The following AP4S1 variants were observed in gnomAD, a reference collection of about 807,000 sequenced individuals.
The protein encoded by AP4S1 is adaptor related protein complex 4 subunit sigma 1.
A neutral mutation model predicts 19.8 loss-of-function variants in AP4S1; 23 were observed. The observed-to-expected ratio is 1.16, with a 90% CI of 0.84 to 1.65. The LOEUF (loss-of-function observed/expected upper bound fraction) is 1.65, where lower values mean the gene tolerates loss of function less well. Ranked by LOEUF, AP4S1 falls within the 40% of genes most tolerant of loss-of-function variation. The pLI, the probability that AP4S1 is intolerant of heterozygous loss-of-function variation, is 0.00. For synonymous variants in AP4S1, 46 were observed against 54.1 expected (o/e 0.85, Z 0.66); for missense variants, 166 against 172.8 (o/e 0.96, Z 0.22).
chr14:31,082,619 G>A (rs371841584), intron 5 of AP4S1, among the ~76,000 whole-genome samples: 11 of 152,148 alleles, frequency 7.2e-5, no homozygotes, highest in Admixed American at 2.0e-4. Context: ...AGCTTTGGCC[G>A]GGCGCGGTGG....
At chr14:31,031,075 T>A (rs557119280) in intron 1 of AP4S1, among the ~76,000 whole-genome samples, 2 of 152,194 alleles carry the variant, frequency 1.3e-5, no homozygotes, top group East Asian at 3.9e-4. Context: ...TCTCAGGAGA[T>A]CTGATGGTTT....
intron 5 of AP4S1, among the ~76,000 whole-genome samples, chr14:31,081,136 C>A (rs565711464): frequency 6.6e-6 from 1 of 152,140 alleles, no homozygotes; most frequent in East Asian, 1.9e-4. Context: ...ATAGCGCTAT[C>A]ATAGTAGTTA....
chr14:31,066,391 T>C, intron 2 of AP4S1, 57 bp downstream of exon 2: 6 of 1,606,648 alleles, frequency 3.7e-6, no homozygotes, highest in Non-Finnish European at 5.1e-6. Context: ...GGCAGATTTG[T>C]TATTAGTGAG....
At chr14:31,056,341 A>G (rs545646048) in intron 1 of AP4S1, among the ~76,000 whole-genome samples, 25 of 150,868 alleles carry the variant, frequency 1.7e-4, no homozygotes, top group African/African-American at 5.4e-4. Flanking sequence ...GCTACATACC[A>G]TACTTGTTTT....
At chr14:31,064,261 C>CT (rs35952468) in intron 1 of AP4S1, among the ~76,000 whole-genome samples, 33 of 151,130 alleles carry the variant, frequency 2.2e-4, no homozygotes, top group African/African-American at 5.3e-4. Flanking sequence ...TTTTCTTTTT[C>CT]TTTTTTTTTA....
At chr14:31,072,314 G>T (rs1449870097) in intron 3 of AP4S1, among the ~76,000 whole-genome samples, 1 of 152,050 alleles carries the variant, frequency 6.6e-6, no homozygotes, top group Non-Finnish European at 1.5e-5. Flanking sequence ...GGGCTCAAGT[G>T]ATCCTCCCAC....
chr14:31,073,086 A>C, intron 4 of AP4S1, 113 bp downstream of exon 4: 1 of 957,564 alleles, frequency 1.0e-6, no homozygotes, highest in South Asian at 1.4e-5. Context: ...AATAAGTAAA[A>C]GTTAAAACTT....
intron 5 of AP4S1, among the ~76,000 whole-genome samples, chr14:31,087,247 G>A (rs1457208332): frequency 2.0e-5 from 3 of 152,118 alleles, no homozygotes; most frequent in African/African-American, 7.2e-5. Context: ...TCTGTGACAT[G>A]TCCCAATCCA....
At chr14:31,052,335 T>C (rs1885843326) in intron 1 of AP4S1, among the ~76,000 whole-genome samples, 1 of 152,160 alleles carries the variant, frequency 6.6e-6, no homozygotes, top group Non-Finnish European at 1.5e-5. Flanking sequence ...GCTTGCTCCA[T>C]GTTTCACTAT....
rs1315033150 is a variant in AP4S1 at position 31,080,634 on chromosome 14, G to C, written c.306+50G>C. 1.9e-6 allele frequency: 3 copies of C among 1,612,782 alleles called. No homozygotes were observed. Among genetic ancestry groups the C allele is most frequent in the South Asian group, 1.1e-5 (1 of 91,046 alleles). On this transcript the variant is annotated intron_variant, in intron 5 of 5. Coordinates refer to ENST00000542754, the MANE Select transcript of AP4S1 (RefSeq NM_001128126.3). Reference sequence around the variant, plus strand: ...CACAGTACTTGGCAAATGCACTCTGGTCCTTATCAGGTAAGTACCACAAGG... The same window carrying C: ...CACAGTACTTGGCAAATGCACTCTGCTCCTTATCAGGTAAGTACCACAAGG...
At chr14:31,056,837 G>A (rs1482194235) in intron 1 of AP4S1, among the ~76,000 whole-genome samples, 1 of 152,174 alleles carries the variant, frequency 6.6e-6, no homozygotes, top group Non-Finnish European at 1.5e-5. Context: ...AGCACTTAGT[G>A]AAGCTGAGGC....
chr14:31,025,695 C>T lies in AP4S1; in HGVS notation c.-164C>T, dbSNP rs916239253. 1.4e-6 allele frequency: 1 copy of T among 736,756 alleles called. No individual in the cohort carries two copies. Among genetic ancestry groups the T allele is most frequent in the Non-Finnish European group, 2.1e-6 (1 of 471,700 alleles). 45.6% of individuals were successfully genotyped at this position (736,756 alleles called of 1,614,324 possible). On this transcript the variant is annotated 5_prime_UTR_variant, in exon 1 of 6. The change creates a premature stop within an existing upstream ORF in the 5' untranslated region. Coordinates refer to ENST00000542754, the MANE Select transcript of AP4S1 (RefSeq NM_001128126.3). ...CCCGAGGAGGCCCGCACCGCGTAGCCAGTGAAGGTTGGGGAGCAAGCTTAT... is the reference window on the plus strand; with the variant it reads ...CCCGAGGAGGCCCGCACCGCGTAGCTAGTGAAGGTTGGGGAGCAAGCTTAT...
At chr14:31,060,559 C>T (rs1257210470) in intron 1 of AP4S1, among the ~76,000 whole-genome samples, 2 of 152,180 alleles carry the variant, frequency 1.3e-5, no homozygotes, top group Non-Finnish European at 2.9e-5. Context: ...AGACTTGAGC[C>T]AGGTCTGTCT....
At chr14:31,060,415 CT>C (rs1465696343) in intron 1 of AP4S1, among the ~76,000 whole-genome samples, 1 of 152,156 alleles carries the variant, frequency 6.6e-6, no homozygotes, top group African/African-American at 2.4e-5. Context: ...TGAATATTTA[CT>C]GTAGACCAGC....
intron 5 of AP4S1, among the ~76,000 whole-genome samples, chr14:31,081,748 A>T (rs1011475953): frequency 2.0e-5 from 3 of 151,646 alleles, no homozygotes; most frequent in Non-Finnish European, 4.4e-5. Context: ...GTGTGTGTGT[A>T]TGTGTGTGTA....
At chr14:31,064,510 C>G (rs2139561850) in intron 1 of AP4S1, among the ~76,000 whole-genome samples, 1 of 152,164 alleles carries the variant, frequency 6.6e-6, no homozygotes, top group Middle Eastern at 3.4e-3. Flanking sequence ...TTACTAGAGC[C>G]AAGGATTCAC....
At chr14:31,047,759 A>T (rs1045309370) in intron 1 of AP4S1, among the ~76,000 whole-genome samples, 1 of 150,694 alleles carries the variant, frequency 6.6e-6, no homozygotes, top group Non-Finnish European at 1.5e-5. Flanking sequence ...GCTCACTGCA[A>T]CCTCCTCCTC....
chr14:31,033,741 G>A (rs960495066), intron 1 of AP4S1, among the ~76,000 whole-genome samples: 8 of 152,170 alleles, frequency 5.3e-5, no homozygotes, highest in African/African-American at 1.9e-4. Flanking sequence ...CACAGGCAGG[G>A]CACTTGAACC....
intron 1 of AP4S1, among the ~76,000 whole-genome samples, chr14:31,038,514 C>T (rs747868397): frequency 5.9e-5 from 9 of 152,046 alleles, no homozygotes; most frequent in Non-Finnish European, 8.8e-5. Context: ...TTTAAACGAG[C>T]GAATGGGGAG....
Sources: allele counts gnomAD v4.1 joint callset (sites outside exome capture counted in the v4.1 genomes callset), GRCh38; gene constraint gnomAD v4.1.1; transcripts MANE v1.5; gene names NCBI Gene and HGNC (gene_info 2026-07-23, HGNC 2026-07-21).